Variants in CYP4X1 observed in about 807,000 individuals in gnomAD.
CYP4X1 encodes cytochrome P450 family 4 subfamily X member 1.
CYP4X1 carries 44 observed loss-of-function variants against 57.9 expected under a neutral mutation model. That is an observed-to-expected ratio of 0.76 (90% CI 0.60 to 0.98). CYP4X1 has a LOEUF of 0.98. Ranked by LOEUF, CYP4X1 falls within the 50% of genes least tolerant of loss-of-function variation. The probability of loss-of-function intolerance (pLI) is 0.00; values close to 1 mark genes in which losing one functional copy is unlikely to be tolerated. For synonymous variants in CYP4X1, 227 were observed against 228.6 expected (o/e 0.99, Z 0.06); for missense variants, 532 against 623.9 (o/e 0.85, Z 1.57).
upstream of CYP4X1, among the ~76,000 whole-genome samples, chr1:47,020,803 T>C (rs890198256): frequency 6.6e-6 from 1 of 152,194 alleles, no homozygotes; most frequent in South Asian, 2.1e-4. Flanking sequence ...TCTTAATGGA[T>C]CAAAAATATA....
chr1:47,039,551 A>C lies in CYP4X1; in HGVS notation c.1073+19A>C. On this transcript the variant is annotated intron_variant, in intron 8 of 11. Coordinates refer to ENST00000371901, the MANE Select transcript of CYP4X1 (RefSeq NM_178033.2). Reference sequence around the variant, plus strand: ...TCACTTGGTAAGATCTGCACCCCTAAATTTTCCTGCTAGTTTTCCCCCTGA... The same window carrying C: ...TCACTTGGTAAGATCTGCACCCCTACATTTTCCTGCTAGTTTTCCCCCTGA... 6.4e-7 allele frequency: 1 copy of C among 1,556,172 alleles called. No individual in the cohort carries two copies. The highest frequency in any genetic ancestry group is 8.7e-7 in the Non-Finnish European group (1 of 1,154,542).
Position 47,032,884 on chromosome 1 carries a change from A to G in CYP4X1, c.365-357A>G, listed in dbSNP as rs77120619. Among the ~76,000 whole-genome samples the G allele has an allele frequency of 3.7e-3, 559 of 152,264 alleles. 8 individuals carry two copies. Among genetic ancestry groups the G allele is most frequent in the African/African-American group, 0.013 (530 of 41,546 alleles). Reference sequence around the variant, plus strand: ...CAACACAGGGAAAAAGGTATTTAGTATCATAGTTCATTATTGAGAAAAGTA... The same window carrying G: ...CAACACAGGGAAAAAGGTATTTAGTGTCATAGTTCATTATTGAGAAAAGTA... On this transcript the variant is annotated intron_variant, in intron 3 of 11. Coordinates refer to ENST00000371901, the MANE Select transcript of CYP4X1 (RefSeq NM_178033.2).
At chr1:46,965,812 G>A in the CYP4X1 span, among the ~76,000 whole-genome samples, 2 of 152,236 alleles carry the variant, frequency 1.3e-5, no homozygotes, top group African/African-American at 4.8e-5. Context: ...GAATGTCTGA[G>A]TTGGCCAAAC....
In CYP4X1 at chr1:47,036,123, C is replaced by A. The variant is rs115915334; in HGVS notation, c.727C>A (p.Gln243Lys). 8.2e-5 allele frequency: 133 copies of A among 1,613,672 alleles called. No homozygotes were observed. The African/African-American group carries it at 1.4e-3, about 17-fold the overall frequency. ...HSDIIFKLSPQGYRFQKLSRV... is the reference protein window; with the variant it reads ...HSDIIFKLSPKGYRFQKLSRV... Reference sequence around the variant, plus strand: ...TGACATAATTTTCAAACTCAGCCCTCAGGGCTACCGCTTCCAGAAGTTAAG... The same window carrying A: ...TGACATAATTTTCAAACTCAGCCCTAAGGGCTACCGCTTCCAGAAGTTAAG... Residue 243 changes from glutamine to lysine, a missense_variant, in exon 6 of 12, where the codon CAG (glutamine) becomes AAG (lysine). Gln to Lys is a moderately conservative substitution (Grantham distance 53, BLOSUM62 1). Coordinates refer to ENST00000371901, the MANE Select transcript of CYP4X1 (RefSeq NM_178033.2).
At chr1:46,988,056 A>C in the CYP4X1 span, among the ~76,000 whole-genome samples, 1 of 152,064 alleles carries the variant, frequency 6.6e-6, no homozygotes, top group Admixed American at 6.5e-5. Flanking sequence ...GAAGGAGATA[A>C]GAGACATAAA....
intron 8 of CYP4X1, 51 bp from the exon 9 acceptor site, chr1:47,046,416 A>C (rs1644302024): frequency 6.2e-7 from 1 of 1,603,108 alleles, no homozygotes; most frequent in African/African-American, 1.3e-5. Flanking sequence ...AAACAGAAAA[A>C]AAGTAAACTG....
At chr1:47,041,182 C>A (rs1360338143) in intron 8 of CYP4X1, among the ~76,000 whole-genome samples, 1 of 151,996 alleles carries the variant, frequency 6.6e-6, no homozygotes, top group Non-Finnish European at 1.5e-5. Flanking sequence ...TTTCTTTATC[C>A]ATTTATCCAG....
the CYP4X1 span, among the ~76,000 whole-genome samples, chr1:46,986,642 G>A: frequency 6.6e-5 from 10 of 152,176 alleles, no homozygotes; most frequent in South Asian, 2.1e-4. Flanking sequence ...GAGAAAGGTC[G>A]GGTTACCCAC....
the CYP4X1 span, among the ~76,000 whole-genome samples, chr1:47,010,610 A>G: frequency 6.6e-6 from 1 of 152,142 alleles, no homozygotes; most frequent in Non-Finnish European, 1.5e-5. Context: ...AGGAAAAGAG[A>G]AAGTCAAATT....
the CYP4X1 span, among the ~76,000 whole-genome samples, chr1:46,963,573 T>C: frequency 1.1e-3 from 164 of 152,356 alleles, no homozygotes; most frequent in African/African-American, 3.7e-3. Flanking sequence ...AATATTGGCC[T>C]CCACTCTCTT....
chr1:47,033,329 A>C lies in CYP4X1; in HGVS notation c.453A>C (p.Ala151=). 1 of 1,613,872 alleles carries C rather than the reference A, an allele frequency of 6.2e-7. No individual in the cohort carries two copies. The highest frequency in any genetic ancestry group is 8.5e-7 in the Non-Finnish European group (1 of 1,179,848). Residue 151 remains alanine, a synonymous_variant, in exon 4 of 12, where the codon GCA becomes GCC. Coordinates refer to ENST00000371901, the MANE Select transcript of CYP4X1 (RefSeq NM_178033.2). ...TPGFHFNILK[A]YIEVMAHSVK... is the part of the protein sequence containing the mutation. ...GATTCCATTTTAACATCCTGAAAGC[A>C]TACATTGAGGTGATGGCTCATTCTG...
At chr1:46,965,236 A>G in the CYP4X1 span, among the ~76,000 whole-genome samples, 1 of 152,076 alleles carries the variant, frequency 6.6e-6, no homozygotes, top group South Asian at 2.1e-4. Context: ...GGTGTGCTGC[A>G]CCCACTGTGC....
At chr1:47,024,377 AATCT>A (rs1194300719) in intron 1 of CYP4X1, among the ~76,000 whole-genome samples, 4 of 152,228 alleles carry the variant, frequency 2.6e-5, no homozygotes, top group African/African-American at 9.6e-5. Flanking sequence ...AAATATGCAA[AATCT>A]ATCCCAATCG....
At chr1:46,974,562 A>T in the CYP4X1 span, among the ~76,000 whole-genome samples, 6 of 152,106 alleles carry the variant, frequency 3.9e-5, no homozygotes, top group Non-Finnish European at 8.8e-5. Flanking sequence ...TGTTTATTTA[A>T]GTCTCTTCAT....
the CYP4X1 span, among the ~76,000 whole-genome samples, chr1:46,986,240 T>C: frequency 1.3e-5 from 2 of 152,090 alleles, no homozygotes. Flanking sequence ...TATCAATAGT[T>C]GAATCAATCA....
At chr1:47,004,608 T>A in the CYP4X1 span, among the ~76,000 whole-genome samples, 2 of 152,260 alleles carry the variant, frequency 1.3e-5, no homozygotes, top group Non-Finnish European at 1.5e-5. Context: ...CCTTTTTTTT[T>A]TAATTTATTT....
At chr1:46,961,471 C>G in the CYP4X1 span, 2 of 1,013,258 alleles carry the variant, frequency 2.0e-6, no homozygotes, top group Admixed American at 3.7e-5. Context: ...TGGTTTGAAC[C>G]GTTCACTGGC....
chr1:46,980,904 G>C, the CYP4X1 span, among the ~76,000 whole-genome samples: 1 of 151,774 alleles, frequency 6.6e-6, no homozygotes, highest in African/African-American at 2.4e-5. Context: ...AAAAATAAAT[G>C]GTGCTGGGAA....
At chr1:47,015,196 G>A in the CYP4X1 span, among the ~76,000 whole-genome samples, 1 of 152,176 alleles carries the variant, frequency 6.6e-6, no homozygotes, top group African/African-American at 2.4e-5. Context: ...CATTGGCAGA[G>A]GGACAGTGCA....
Sources: gnomAD v4.1 joint callset for allele counts (sites outside exome capture counted in the v4.1 genomes callset) on GRCh38, gnomAD v4.1.1 for gene constraint, MANE v1.5 for transcripts, NCBI Gene and HGNC (gene_info 2026-07-23, HGNC 2026-07-21) for gene names.